The following POU6F2 variants were observed in gnomAD, a reference collection of about 807,000 sequenced individuals.
POU6F2 encodes POU class 6 homeobox 2, also known as POU domain, class 6, transcription factor 2.
POU6F2 carries 31 observed loss-of-function variants against 71.3 expected under a neutral mutation model. That is an observed-to-expected ratio of 0.43 (90% CI 0.33 to 0.59). The LOEUF (loss-of-function observed/expected upper bound fraction) is 0.59, where lower values mean the gene tolerates loss of function less well. Ranked by LOEUF, POU6F2 falls within the 20% of genes least tolerant of loss-of-function variation. The pLI is 0.04. For missense variants in POU6F2, 783 were observed against 856.8 expected (o/e 0.91, Z 1.07); for synonymous variants, 347 against 355.7 (o/e 0.98, Z 0.27).
intron 1 of POU6F2, among the ~76,000 whole-genome samples, chr7:39,077,963 G>A (rs559121337): frequency 1.3e-5 from 2 of 152,322 alleles, no homozygotes; most frequent in African/African-American, 4.8e-5. Flanking sequence ...AGTGGGTTGT[G>A]TTGCAGATGG....
At chr7:39,124,358 A>G (rs1161397877) in intron 2 of POU6F2, among the ~76,000 whole-genome samples, 8 of 152,140 alleles carry the variant, frequency 5.3e-5, no homozygotes, top group African/African-American at 7.2e-5. Context: ...AATTCTATTT[A>G]TCTGTGCACA....
intron 5 of POU6F2, among the ~76,000 whole-genome samples, chr7:39,355,969 AAGGCCAGGTCCAC>A (rs1403248036): frequency 6.6e-6 from 1 of 152,104 alleles, no homozygotes; most frequent in African/African-American, 2.4e-5. Context: ...GTGCAAGTCG[AAGGCCAGGTCCAC>A]AGGCCCCTGG....
Position 39,423,083 on chromosome 7 carries a change from G to A in POU6F2, c.1114-9994G>A, listed in dbSNP as rs188659075. Among the ~76,000 whole-genome samples, 28 of 152,232 alleles carry A rather than the reference G, an allele frequency of 1.8e-4. No homozygotes were observed. The East Asian group carries it at 4.4e-3, about 24-fold the overall frequency. ...TCATATTTCAATGAAGGGTTAACTC[G>A]GCTGTCCAGCAGCAAACACATCTGA... On this transcript the variant is annotated intron_variant, in intron 6 of 9. Transcript: ENST00000518318.
chr7:39,359,997 T>C (rs1786343615), intron 5 of POU6F2, among the ~76,000 whole-genome samples: 1 of 152,226 alleles, frequency 6.6e-6, no homozygotes, highest in African/African-American at 2.4e-5. Flanking sequence ...ACTAAGAAGC[T>C]GGAGAAATGA....
intron 2 of POU6F2, among the ~76,000 whole-genome samples, chr7:39,094,145 C>T (rs1377826026): frequency 6.6e-6 from 1 of 152,088 alleles, no homozygotes; most frequent in Non-Finnish European, 1.5e-5. Context: ...TTCAGCTATA[C>T]TTGGGCTAGA....
intron 5 of POU6F2, among the ~76,000 whole-genome samples, chr7:39,350,589 A>C (rs1420845871): frequency 6.6e-6 from 1 of 152,232 alleles, no homozygotes; most frequent in African/African-American, 2.4e-5. Flanking sequence ...CCTGAGGCAG[A>C]AAGTTATGAA....
chr7:39,451,392 T>G, intron 7 of POU6F2, 141 bp from the exon 8 acceptor site: 1 of 768,052 alleles, frequency 1.3e-6, no homozygotes, highest in South Asian at 2.8e-5. Context: ...GACTGCCTGC[T>G]GTGTAGGGTG....
chr7:39,127,572 A>G (rs910238315), intron 2 of POU6F2, among the ~76,000 whole-genome samples: 2 of 152,170 alleles, frequency 1.3e-5, no homozygotes, highest in African/African-American at 4.8e-5. Context: ...GACAAGGGCT[A>G]TGAAGAAAAA....
Position 39,430,751 on chromosome 7 carries a change from C to T in POU6F2, c.1114-2326C>T, listed in dbSNP as rs369285910. On this transcript the variant is annotated intron_variant, in intron 6 of 9. Transcript: ENST00000518318. ...TGCTCCCACTGGCTCTTAATCGCAC[C>T]GACACCCTGCCCCAAACAGGACCCA... Among the ~76,000 whole-genome samples, 290 of 152,262 alleles carry T rather than the reference C, an allele frequency of 1.9e-3. 1 individual carries two copies. Among genetic ancestry groups the T allele is most frequent in the African/African-American group, 6.5e-3 (268 of 41,546 alleles).
At position 39,406,459 on chromosome 7, in the gene POU6F2, C is replaced by T; in HGVS notation, c.973-141C>T. On this transcript the variant is annotated intron_variant, in intron 5 of 9. Transcript: ENST00000518318. ...ACCCCAGAGCTTCCGGGGGAATGTT[C>T]GCCACGCCCCTCCGGTGGGTTCCAG... The T allele has an allele frequency of 6.5e-6, 6 of 916,038 alleles. No individual in the cohort carries two copies. The South Asian group carries it at 8.6e-5, about 13-fold the overall frequency. The allele number at this position is 916,038 out of a possible 1,614,324, so 56.7% of individuals were successfully genotyped here.
chr7:39,311,823 CAT>C (rs1785171796), intron 4 of POU6F2, among the ~76,000 whole-genome samples: 1 of 151,990 alleles, frequency 6.6e-6, no homozygotes, highest in Non-Finnish European at 1.5e-5. Context: ...TTTTTAAAAA[CAT>C]AAAAAATTCC....
intron 4 of POU6F2, among the ~76,000 whole-genome samples, chr7:39,305,526 A>G (rs944631623): frequency 1.3e-5 from 2 of 152,224 alleles, no homozygotes; most frequent in Admixed American, 6.5e-5. Context: ...TGCCGCAATC[A>G]AGATGTGTAG....
In POU6F2 at chr7:39,460,801, G is replaced by T. The variant is rs2116164077; in HGVS notation, c.1658+86G>T. The stretch of plus-strand genomic sequence containing the variant: ...GGTTCAGCTTTTCTTCGTCGGGTGG[G>T]CAAAGCTGGAGGGGCAGAGAGTGGG... On this transcript the variant is annotated intron_variant, in intron 9 of 9. Transcript: ENST00000518318. This position sits in a 1 kb window ranked among gnomAD's most constrained non-coding sequence, Gnocchi z 4.4. The T allele has an allele frequency of 7.1e-7, 1 of 1,402,528 alleles. No individual in the cohort carries two copies. The highest frequency in any genetic ancestry group is 2.5e-5 in the East Asian group (1 of 39,710). 86.9% of individuals were successfully genotyped at this position (1,402,528 alleles called of 1,614,324 possible).
At chr7:39,085,056 C>T (rs915183068) in intron 1 of POU6F2, 1 of 151,920 alleles carries the variant, frequency 6.6e-6, no homozygotes, top group Non-Finnish European at 1.5e-5. Flanking sequence ...TTTCTGAAGG[C>T]GATTTTTGTT....
chr7:39,327,867 A>G (rs940062024), intron 4 of POU6F2, among the ~76,000 whole-genome samples: 3 of 151,870 alleles, frequency 2.0e-5, no homozygotes, highest in African/African-American at 7.2e-5. Context: ...AAAAAAAAAA[A>G]AGATGGTGTT....
intron 2 of POU6F2, among the ~76,000 whole-genome samples, chr7:39,114,680 A>G (rs1472656296): frequency 6.6e-6 from 1 of 152,180 alleles, no homozygotes; most frequent in Non-Finnish European, 1.5e-5. Flanking sequence ...GCCAAATTAC[A>G]GTTTTTATAC....
chr7:39,237,079 C>T (rs911406641), intron 4 of POU6F2, among the ~76,000 whole-genome samples: 1 of 152,168 alleles, frequency 6.6e-6, no homozygotes, highest in African/African-American at 2.4e-5. Context: ...CACAGAAGCA[C>T]TTCAACATTT....
intron 5 of POU6F2, among the ~76,000 whole-genome samples, chr7:39,361,569 G>A (rs1461871082): frequency 6.6e-6 from 1 of 152,214 alleles, no homozygotes. Context: ...ATAGCCTTCA[G>A]GCTTGCTGCT....
intron 4 of POU6F2, among the ~76,000 whole-genome samples, chr7:39,325,093 G>A (rs1198882228): frequency 1.3e-5 from 2 of 152,102 alleles, no homozygotes; most frequent in East Asian, 1.9e-4. Context: ...ATTAACACGA[G>A]TAACATTTTG....
Sources: gnomAD v4.1 joint callset for allele counts (sites outside exome capture counted in the v4.1 genomes callset) on GRCh38, gnomAD v4.1.1 for gene constraint, Gnocchi (gnomAD v3.1) non-coding constraint, MANE v1.5 for transcripts, NCBI Gene and HGNC (gene_info 2026-07-23, HGNC 2026-07-21) for gene names.